Variants in TOP2B observed in about 807,000 individuals in gnomAD.
TOP2B encodes the protein DNA topoisomerase 2-beta.
Under a neutral mutation model 193.5 loss-of-function variants are expected in TOP2B, and 51 were observed. The ratio of observed to expected loss-of-function variants is 0.26; its 90% CI spans 0.21 to 0.33. The LOEUF (loss-of-function observed/expected upper bound fraction) is 0.33, where lower values mean the gene tolerates loss of function less well. Ranked by LOEUF, TOP2B falls within the 10% of genes least tolerant of loss-of-function variation. The pLI, the probability that TOP2B is intolerant of heterozygous loss-of-function variation, is 1.00. For synonymous variants in TOP2B, 634 were observed against 635.7 expected, an observed-to-expected ratio of 1.00 and a Z score of 0.04; for missense variants, 1,378 against 1,909.3, an observed-to-expected ratio of 0.72 and a Z score of 5.19.
chr3:25,611,393 C>G (rs1430070348), intron 28 of TOP2B, among the ~76,000 whole-genome samples: 1 of 152,186 alleles, frequency 6.6e-6, no homozygotes, highest in African/African-American at 2.4e-5. Flanking sequence ...ACTCTGGTGT[C>G]AAAATGCACC....
intron 4 of TOP2B, among the ~76,000 whole-genome samples, chr3:25,641,071 C>T (rs927934696): frequency 6.6e-6 from 1 of 152,054 alleles, no homozygotes; most frequent in Admixed American, 6.6e-5. Flanking sequence ...CGTGAGCTGC[C>T]GCACCTGGCT....
intron 21 of TOP2B, 75 bp downstream of exon 21, chr3:25,623,440 C>T: frequency 1.5e-6 from 2 of 1,363,752 alleles, no homozygotes; most frequent in Non-Finnish European, 2.0e-6. Context: ...TGTTCCATTA[C>T]TTTTCTAAAA....
chr3:25,664,876 C>G lies in TOP2B; in HGVS notation c.-579G>C. On this transcript the variant is annotated 5_prime_UTR_variant, in exon 1 of 36. Coordinates refer to ENST00000264331, the MANE Select transcript of TOP2B (RefSeq NM_001330700.2). ...CCGCCGCCGCCGCCGCCACGGTCAC[C>G]TCCCTCTTGTCCGGCATAACACCGC... The G allele has an allele frequency of 1.0e-6, 1 of 992,076 alleles. No individual in the cohort carries two copies. The highest frequency in any genetic ancestry group is 4.5e-5 in the South Asian group (1 of 22,114). The allele number at this position is 992,076 out of a possible 1,614,324, so 61.5% of individuals were successfully genotyped here.
At chr3:25,640,585 T>C (rs1028072125) in intron 4 of TOP2B, among the ~76,000 whole-genome samples, 1 of 152,020 alleles carries the variant, frequency 6.6e-6, no homozygotes, top group Admixed American at 6.6e-5. Context: ...CACAAAAATG[T>C]TTGCTGATTA....
At chr3:25,650,963 A>C (rs1370466212) in intron 1 of TOP2B, among the ~76,000 whole-genome samples, 2 of 152,126 alleles carry the variant, frequency 1.3e-5, no homozygotes, top group Non-Finnish European at 2.9e-5. Flanking sequence ...CTCTTTTCCA[A>C]ATGATGTCTT....
At chr3:25,615,105 T>C (rs1180523141) in intron 27 of TOP2B, 100 bp downstream of exon 27, 2 of 1,022,304 alleles carry the variant, frequency 2.0e-6, no homozygotes, top group Non-Finnish European at 2.8e-6. Context: ...CATATTAACC[T>C]TCACAGAGTT....
chr3:25,627,324 T>A (rs780022175), intron 15 of TOP2B, 28 bp from the exon 16 acceptor site: 4 of 1,409,158 alleles, frequency 2.8e-6, no homozygotes, highest in Non-Finnish European at 3.9e-6. Context: ...TAAAAGTGAG[T>A]CATGAATATC....
intron 27 of TOP2B, 137 bp from the exon 28 acceptor site, chr3:25,612,846 T>C (rs959663624): frequency 9.9e-6 from 6 of 607,020 alleles, no homozygotes; most frequent in Non-Finnish European, 1.1e-5. Context: ...TAATTCAAGA[T>C]TAAATAATGG....
intron 5 of TOP2B, 120 bp downstream of exon 5, chr3:25,638,045 T>G: frequency 1.0e-6 from 1 of 971,034 alleles, no homozygotes; most frequent in Non-Finnish European, 1.5e-6. Context: ...CATGATAGTT[T>G]ATAAATATTA....
At chr3:25,637,606 G>T (rs1299766206) in intron 5 of TOP2B, among the ~76,000 whole-genome samples, 1 of 151,990 alleles carries the variant, frequency 6.6e-6, no homozygotes, top group African/African-American at 2.4e-5. Flanking sequence ...ATCTCTGTGA[G>T]TATGAAATCT....
intron 4 of TOP2B, 74 bp from the exon 5 acceptor site, chr3:25,638,384 A>C: frequency 2.2e-6 from 3 of 1,369,140 alleles, no homozygotes; most frequent in Non-Finnish European, 1.9e-6. Context: ...AGTAAAGATA[A>C]ATTAATTCAT....
intron 18 of TOP2B, 30 bp downstream of exon 18, chr3:25,626,530 T>A: frequency 8.1e-7 from 1 of 1,242,122 alleles, no homozygotes; most frequent in Non-Finnish European, 1.1e-6. Flanking sequence ...TAAATAACAT[T>A]AAAAAATGAG....
At position 25,633,847 on chromosome 3, in the gene TOP2B, A is replaced by C. The variant is rs945126519; in HGVS notation, c.1020T>G (p.Thr340=). The C allele has an allele frequency of 3.1e-6, 5 of 1,605,508 alleles. No homozygotes were observed. The highest frequency in any genetic ancestry group is 4.2e-6 in the Non-Finnish European group (5 of 1,176,592). Residue 340 remains threonine, a synonymous_variant, in exon 8 of 36, where the codon ACT becomes ACG. Coordinates refer to ENST00000264331, the MANE Select transcript of TOP2B (RefSeq NM_001330700.2). Reference sequence around the variant, plus strand: ...AAATAATTTGCTTACTTACTTTTGTAGTTGCAATACTATTTACAAAGCTGA... The same window carrying C: ...AAATAATTTGCTTACTTACTTTTGTCGTTGCAATACTATTTACAAAGCTGA... The part of the protein sequence containing the change: ...QQISFVNSIA[T]TKGGRHVDYV...
chr3:25,630,088 C>T lies in TOP2B; in HGVS notation c.1630G>A (p.Asp544Asn), dbSNP rs1702913703. The change falls in exon 13 of 36, where the codon GAT (aspartate) becomes AAT (asparagine). Residue 544 changes from aspartate to asparagine, a missense_variant. Physicochemically the swap from Asp to Asn is conservative, Grantham distance 23. Coordinates refer to ENST00000264331, the MANE Select transcript of TOP2B (RefSeq NM_001330700.2). Reference sequence around the variant, plus strand: ...AAGGTTTTCAGAGATTCTGCATCATCGTAACTTTTCTTATATTGTAGACCA... The same window carrying T: ...AAGGTTTTCAGAGATTCTGCATCATTGTAACTTTTCTTATATTGTAGACCA... Reference protein sequence around the residue: ...IVGLQYKKSYDDAESLKTLRY... With the variant: ...IVGLQYKKSYNDAESLKTLRY... The T allele has an allele frequency of 2.5e-6, 4 of 1,606,480 alleles. No homozygotes were observed. The highest frequency in any genetic ancestry group is 2.6e-6 in the Non-Finnish European group (3 of 1,176,166).
intron 28 of TOP2B, among the ~76,000 whole-genome samples, chr3:25,610,605 C>G (rs1392725481): frequency 6.6e-6 from 1 of 152,156 alleles, no homozygotes; most frequent in Non-Finnish European, 1.5e-5. Flanking sequence ...AAAGTGAGAA[C>G]AAAGTAGCCA....
chr3:25,624,989 C>A (rs552414867), intron 18 of TOP2B, 186 bp from the exon 19 acceptor site: 41 of 558,502 alleles, frequency 7.3e-5, no homozygotes, highest in African/African-American at 6.5e-4. Flanking sequence ...AGAAAGCCAT[C>A]TGCAGGTATA....
Position 25,609,251 on chromosome 3 carries a change from G to A in TOP2B, c.4025C>T (p.Ser1342Leu), listed in dbSNP as rs751332309. ...RNPWSDDESK[S>L]ESDLEETEPV... ...TTCTGTTTCTTCCAAATCACTTTCT[G>A]ACTTGGATTCATCATCTGACCAAGG... Residue 1342 changes from serine (S) to leucine (L), a missense_variant, in exon 30 of 36, where the codon TCA becomes TTA. Ser to Leu is a moderately radical substitution (Grantham distance 145). Around this residue, in one of 9 missense-constraint regions of TOP2B, gnomAD observed 556 missense variants for 584.2 expected, o/e 0.95. Transcript: ENST00000264331. 2 of 1,605,866 alleles carry A rather than the reference G, an allele frequency of 1.2e-6. No individual in the cohort carries two copies. Among genetic ancestry groups the A allele is most frequent in the African/African-American group, 1.3e-5 (1 of 74,786 alleles).
chr3:25,600,512 T>A (rs921761226), intron 34 of TOP2B, among the ~76,000 whole-genome samples: 2 of 152,132 alleles, frequency 1.3e-5, no homozygotes, highest in African/African-American at 4.8e-5. Context: ...TAAAGAAATA[T>A]AAGAAACACA....
Position 25,652,915 on chromosome 3 carries a change from GA to G in TOP2B, c.70-7446del, listed in dbSNP as rs368739890. Among the ~76,000 whole-genome samples the G allele has an allele frequency of 3.6e-3, 538 of 150,630 alleles. 12 individuals are homozygous for G. In the South Asian group the frequency reaches 0.064, roughly 18 times the overall value. ...ACAAATCGTTAGCTAGATTACATAA[GA>G]AAAAAAAGAGATAATCAAATAACTA... On this transcript the variant is annotated intron_variant, in intron 1 of 35. Coordinates refer to ENST00000264331, the MANE Select transcript of TOP2B (RefSeq NM_001330700.2).
Sources: allele counts gnomAD v4.1 joint callset (sites outside exome capture counted in the v4.1 genomes callset), GRCh38; gene constraint gnomAD v4.1.1; regional missense constraint gnomAD v4.1.1; transcripts MANE v1.5; gene names NCBI Gene and HGNC (gene_info 2026-07-23, HGNC 2026-07-21).